NRXN1: variants seen among roughly 807,000 people sequenced by gnomAD.
NRXN1 encodes the protein neurexin 1, also known as neurexin-1.
A neutral mutation model predicts 150.9 loss-of-function variants in NRXN1; 39 were observed. That is an observed-to-expected ratio of 0.26 (90% CI 0.20 to 0.34). The LOEUF is 0.34. Among genes scored for constraint, NRXN1 ranks in the 10% least tolerant of loss-of-function variants. The pLI is 1.00. For synonymous variants in NRXN1, 924 were observed against 757.0 expected, an observed-to-expected ratio of 1.22 and a Z score of -3.62; for missense variants, 1,815 against 1,949.9, an observed-to-expected ratio of 0.93 and a Z score of 1.30.
At chr2:50,240,252 G>GA (rs1433575531) in intron 17 of NRXN1, among the ~76,000 whole-genome samples, 2 of 151,774 alleles carry the variant, frequency 1.3e-5, no homozygotes, top group East Asian at 3.9e-4. Flanking sequence ...ATTATTTCTA[G>GA]TTTCCTTTTT....
intron 18 of NRXN1, among the ~76,000 whole-genome samples, chr2:50,235,645 C>T (rs146973888): frequency 1.3e-5 from 2 of 152,072 alleles, no homozygotes; most frequent in Non-Finnish European, 2.9e-5. Context: ...AACTGGTACC[C>T]GATGACCACT....
At chr2:50,154,680 A>C (rs1166057040) in intron 18 of NRXN1, among the ~76,000 whole-genome samples, 1 of 151,728 alleles carries the variant, frequency 6.6e-6, no homozygotes, top group African/African-American at 2.4e-5. Flanking sequence ...TACATCTATG[A>C]TCCATAAAGA....
At chr2:51,010,013 G>C (rs1667599520) in intron 2 of NRXN1, among the ~76,000 whole-genome samples, 1 of 151,844 alleles carries the variant, frequency 6.6e-6, no homozygotes, top group Non-Finnish European at 1.5e-5. Context: ...TATTCTGCAA[G>C]GTTACTGTGG....
At chr2:50,527,754 C>T (rs1340929841) in intron 12 of NRXN1, among the ~76,000 whole-genome samples, 4 of 152,048 alleles carry the variant, frequency 2.6e-5, no homozygotes, top group Non-Finnish European at 4.4e-5. Flanking sequence ...TCCATCAACT[C>T]ACATTCAGCA....
At chr2:50,579,338 C>CA (rs1415717622) in intron 8 of NRXN1, among the ~76,000 whole-genome samples, 1 of 152,136 alleles carries the variant, frequency 6.6e-6, no homozygotes, top group Non-Finnish European at 1.5e-5. Flanking sequence ...CCTAAGGAGA[C>CA]AAAAAAGCCA....
intron 13 of NRXN1, among the ~76,000 whole-genome samples, chr2:50,503,014 A>C (rs187945211): frequency 8.1e-4 from 124 of 152,202 alleles, no homozygotes; most frequent in African/African-American, 2.9e-3. Context: ...TTATTCCGAG[A>C]AGTAAGAAAA....
intron 18 of NRXN1, among the ~76,000 whole-genome samples, chr2:50,232,330 T>C (rs1415737564): frequency 6.6e-6 from 1 of 151,974 alleles, no homozygotes; most frequent in African/African-American, 2.4e-5. Context: ...TTCTAGGATG[T>C]ACTGAAGTAA....
At chr2:50,907,214 C>G (rs1428806918) in intron 5 of NRXN1, among the ~76,000 whole-genome samples, 1 of 151,276 alleles carries the variant, frequency 6.6e-6, no homozygotes, top group Non-Finnish European at 1.5e-5. Context: ...AATAAACCAA[C>G]CTTTCTGGAT....
intron 18 of NRXN1, among the ~76,000 whole-genome samples, chr2:50,232,223 G>A (rs1026693831): frequency 6.6e-6 from 1 of 151,902 alleles, no homozygotes; most frequent in Non-Finnish European, 1.5e-5. Flanking sequence ...ATTTATTGAG[G>A]TGGTTACTAA....
At chr2:50,322,305 G>A (rs995203826) in intron 17 of NRXN1, among the ~76,000 whole-genome samples, 99 of 152,252 alleles carry the variant, frequency 6.5e-4, no homozygotes, top group African/African-American at 2.3e-3. Context: ...CAAATACTTC[G>A]TGATTGGAAG....
At chr2:51,022,375 C>T (rs1308444796) in intron 2 of NRXN1, among the ~76,000 whole-genome samples, 2 of 152,100 alleles carry the variant, frequency 1.3e-5, no homozygotes, top group Admixed American at 6.5e-5. Flanking sequence ...ACCAGGCAGT[C>T]TGGCCCAAGA....
chr2:50,527,519 T>C (rs946711791), intron 12 of NRXN1, among the ~76,000 whole-genome samples: 1 of 152,220 alleles, frequency 6.6e-6, no homozygotes, highest in Non-Finnish European at 1.5e-5. Flanking sequence ...ATCATTCTGT[T>C]ACTTTTTTAT....
intron 5 of NRXN1, among the ~76,000 whole-genome samples, chr2:50,790,993 G>A (rs1341250115): frequency 6.6e-6 from 1 of 150,732 alleles, no homozygotes; most frequent in Non-Finnish European, 1.5e-5. Context: ...TGTACTAGTA[G>A]CTGATTTTTA....
chr2:50,050,552 G>A (rs1371240691), intron 21 of NRXN1, among the ~76,000 whole-genome samples: 1 of 151,990 alleles, frequency 6.6e-6, no homozygotes, highest in East Asian at 1.9e-4. Flanking sequence ...GATAAAAGCA[G>A]GCGGATATGG....
At chr2:50,934,362 A>C (rs1002162365) in intron 2 of NRXN1, among the ~76,000 whole-genome samples, 2 of 152,328 alleles carry the variant, frequency 1.3e-5, no homozygotes, top group Admixed American at 1.3e-4. Flanking sequence ...AATAGGCATT[A>C]AATAAATTAT....
chr2:50,988,119 G>C (rs534299150), intron 2 of NRXN1, among the ~76,000 whole-genome samples: 1 of 151,996 alleles, frequency 6.6e-6, no homozygotes. Flanking sequence ...TCTTCCATAA[G>C]GGTCAGTGAT....
At chr2:50,417,816 C>T (rs932588397) in intron 17 of NRXN1, among the ~76,000 whole-genome samples, 4 of 151,516 alleles carry the variant, frequency 2.6e-5, no homozygotes, top group East Asian at 1.9e-4. Context: ...TCCAAAAGAA[C>T]GCACATCCAA....
chr2:50,409,925 G>C (rs2083022892), intron 17 of NRXN1, among the ~76,000 whole-genome samples: 1 of 152,260 alleles, frequency 6.6e-6, no homozygotes, highest in African/African-American at 2.4e-5. Context: ...TTACAGGACA[G>C]AGTTCAAAGC....
chr2:50,935,302 T>A (rs946376518), intron 2 of NRXN1, among the ~76,000 whole-genome samples: 4 of 152,138 alleles, frequency 2.6e-5, no homozygotes, highest in Admixed American at 2.6e-4. Context: ...ACAGCAGAGA[T>A]AAGGCAATTG....
Sources: gnomAD v4.1 joint callset for allele counts (sites outside exome capture counted in the v4.1 genomes callset) on GRCh38, gnomAD v4.1.1 for gene constraint, MANE v1.5 for transcripts, NCBI Gene and HGNC (gene_info 2026-07-23, HGNC 2026-07-21) for gene names.